Variants in AGBL1 observed in about 807,000 individuals in gnomAD.
The protein encoded by AGBL1 is cytosolic carboxypeptidase 4.
A neutral mutation model predicts 118.9 loss-of-function variants in AGBL1; 130 were observed. The ratio of observed to expected loss-of-function variants is 1.09; its 90% CI spans 0.95 to 1.26. AGBL1 has a LOEUF of 1.26. AGBL1 is among the 50% of genes most tolerant of loss of function. The probability of loss-of-function intolerance (pLI) is 0.00; values close to 1 mark genes in which losing one functional copy is unlikely to be tolerated. For synonymous variants in AGBL1, 555 were observed against 478.9 expected, an observed-to-expected ratio of 1.16 and a Z score of -2.08; for missense variants, 1,584 against 1,298.1, an observed-to-expected ratio of 1.22 and a Z score of -3.38.
intron 18 of AGBL1, among the ~76,000 whole-genome samples, chr15:86,508,135 G>A (rs2083002508): frequency 1.3e-5 from 2 of 151,786 alleles, no homozygotes; most frequent in African/African-American, 4.8e-5. Flanking sequence ...TGTTGGCCAG[G>A]ATGATCTCGA....
chr15:86,351,815 C>T (rs1168276450), intron 17 of AGBL1, among the ~76,000 whole-genome samples: 1 of 152,134 alleles, frequency 6.6e-6, no homozygotes, highest in Non-Finnish European at 1.5e-5. Flanking sequence ...AAGCTGACGC[C>T]ATTTATTTCT....
At chr15:86,648,870 G>A (rs1468293281) in intron 21 of AGBL1, among the ~76,000 whole-genome samples, 1 of 152,162 alleles carries the variant, frequency 6.6e-6, no homozygotes, top group Non-Finnish European at 1.5e-5. Flanking sequence ...ATGAAATGAA[G>A]GCAATTGATG....
chr15:86,746,210 G>T (rs1053578680), intron 22 of AGBL1, among the ~76,000 whole-genome samples: 1 of 152,096 alleles, frequency 6.6e-6, no homozygotes, highest in East Asian at 1.9e-4. Context: ...GACTCCTTCC[G>T]CACATCCTTC....
In AGBL1 at chr15:86,264,391, G is replaced by C. The variant is rs763298668; in HGVS notation, c.1220G>C (p.Arg407Thr). The C allele has an allele frequency of 6.2e-6, 10 of 1,613,946 alleles. No individual in the cohort carries two copies. The highest frequency in any genetic ancestry group is 8.5e-6 in the Non-Finnish European group (10 of 1,179,878). The change falls in exon 11 of 23, where the codon AGA becomes ACA. Residue 407 changes from arginine to threonine, a missense_variant. Physicochemically the swap from Arg to Thr is moderately conservative, Grantham distance 71. Coordinates refer to ENST00000614907, the MANE Select transcript of AGBL1 (RefSeq NM_001386094.1). ...GACCAAAGCTCCTGTGGGCAAGAAAGAGAATATGCTGTCCAGACTTCCCTT... is the reference window on the plus strand; with the variant it reads ...GACCAAAGCTCCTGTGGGCAAGAAACAGAATATGCTGTCCAGACTTCCCTT... ...SKDQSSCGQE[R>T]EYAVQTSLLC...
chr15:86,938,649 G>A (rs1034193980), intron 23 of AGBL1: 5 of 152,204 alleles, frequency 3.3e-5, no homozygotes, highest in African/African-American at 1.2e-4. Flanking sequence ...CTCTCTCTCA[G>A]GGGTTGGAGA....
At chr15:86,184,376 G>T (rs6496310) in intron 5 of AGBL1, among the ~76,000 whole-genome samples, 46,841 of 151,468 alleles carry the variant, frequency 0.31, 8,822 homozygotes, top group Non-Finnish European at 0.42. Flanking sequence ...TTGTTAAAAG[G>T]CTTTTGATTT....
intron 5 of AGBL1, among the ~76,000 whole-genome samples, chr15:86,180,965 A>G (rs1320183858): frequency 6.6e-6 from 1 of 152,142 alleles, no homozygotes; most frequent in African/African-American, 2.4e-5. Flanking sequence ...AAACTGTAAT[A>G]TGATACTACT....
intron 21 of AGBL1, among the ~76,000 whole-genome samples, chr15:86,575,739 A>G (rs2084082839): frequency 6.6e-6 from 1 of 151,796 alleles, no homozygotes; most frequent in African/African-American, 2.4e-5. Context: ...ACAGGTACAC[A>G]CCACCACATC....
At chr15:86,765,124 G>A (rs1315231811) in intron 22 of AGBL1, among the ~76,000 whole-genome samples, 2 of 151,952 alleles carry the variant, frequency 1.3e-5, no homozygotes, top group Non-Finnish European at 2.9e-5. Context: ...GATCCATAAG[G>A]ATTACATGTG....
chr15:86,754,629 G>A (rs993617297), intron 22 of AGBL1, among the ~76,000 whole-genome samples: 2 of 151,996 alleles, frequency 1.3e-5, no homozygotes, highest in African/African-American at 4.8e-5. Flanking sequence ...GTGAGTAAGT[G>A]CTCCTCGTGT....
At chr15:86,810,080 T>A (rs2078767794) in intron 22 of AGBL1, among the ~76,000 whole-genome samples, 1 of 152,168 alleles carries the variant, frequency 6.6e-6, no homozygotes, top group Non-Finnish European at 1.5e-5. Context: ...GCAGCCTTGG[T>A]CAGTATGCCT....
intron 24 of AGBL1, among the ~76,000 whole-genome samples, chr15:87,023,782 A>T (rs1429918206): frequency 6.6e-6 from 1 of 152,032 alleles, no homozygotes; most frequent in Non-Finnish European, 1.5e-5. Context: ...TATATCAAGC[A>T]CTCTCTCAGA....
At chr15:87,020,844 AG>A in intron 24 of AGBL1, among the ~76,000 whole-genome samples, 1 of 152,328 alleles carries the variant, frequency 6.6e-6, no homozygotes, top group Non-Finnish European at 1.5e-5. Flanking sequence ...TGAAGAAATC[AG>A]AGAGGACATA....
At chr15:86,161,892 C>T (rs146025529) in intron 5 of AGBL1, among the ~76,000 whole-genome samples, 61 of 152,286 alleles carry the variant, frequency 4.0e-4, no homozygotes, top group Admixed American at 9.8e-4. Context: ...TTTCTTAAAG[C>T]ATGAATGTCA....
intron 22 of AGBL1, among the ~76,000 whole-genome samples, chr15:86,881,641 A>T: frequency 6.6e-6 from 1 of 152,026 alleles, no homozygotes; most frequent in Non-Finnish European, 1.5e-5. Context: ...AGTGCTATTT[A>T]TTTATTTATT....
intron 21 of AGBL1, among the ~76,000 whole-genome samples, chr15:86,560,781 C>A (rs147286955): frequency 0.014 from 2,138 of 152,318 alleles, 30 homozygotes; most frequent in Non-Finnish European, 0.022. Context: ...TCCTATTTCT[C>A]CACATCCTCT....
chr15:86,491,687 TGAA>T (rs896025863), intron 18 of AGBL1, among the ~76,000 whole-genome samples: 4 of 151,896 alleles, frequency 2.6e-5, no homozygotes, highest in Non-Finnish European at 4.4e-5. Flanking sequence ...ATAGGGTGGG[TGAA>T]GAAGAGGGGA....
chr15:87,009,930 A>T (rs935553115), intron 24 of AGBL1, among the ~76,000 whole-genome samples: 2 of 152,144 alleles, frequency 1.3e-5, no homozygotes, highest in Non-Finnish European at 2.9e-5. Context: ...CTTGCTTTTG[A>T]TTTTACATGC....
intron 22 of AGBL1, among the ~76,000 whole-genome samples, chr15:86,738,365 G>A (rs1039480731): frequency 3.3e-5 from 5 of 151,910 alleles, no homozygotes; most frequent in African/African-American, 9.7e-5. Flanking sequence ...CGCAGTACTG[G>A]AAATGCCAGC....
Sources: allele counts gnomAD v4.1 joint callset (sites outside exome capture counted in the v4.1 genomes callset), GRCh38; gene constraint gnomAD v4.1.1; transcripts MANE v1.5; gene names NCBI Gene and HGNC (gene_info 2026-07-23, HGNC 2026-07-21).